DPYD: variants seen among roughly 807,000 people sequenced by gnomAD.
DPYD encodes dihydropyrimidine dehydrogenase.
A neutral mutation model predicts 116.2 loss-of-function variants in DPYD; 109 were observed. The observed-to-expected ratio is 0.94, with a 90% CI of 0.80 to 1.10. The LOEUF (loss-of-function observed/expected upper bound fraction) is 1.10. DPYD is among the 50% of genes least tolerant of loss of function. DPYD has a pLI of 0.00. For synonymous variants in DPYD, 440 were observed against 432.0 expected (o/e 1.02, Z -0.23); for missense variants, 1,302 against 1,254.5 (o/e 1.04, Z -0.57).
intron 8 of DPYD, among the ~76,000 whole-genome samples, chr1:97,662,125 C>G (rs1659301002): frequency 6.6e-6 from 1 of 151,044 alleles, no homozygotes; most frequent in African/African-American, 2.4e-5. Flanking sequence ...CTCAATCTCC[C>G]TAGTAGCTGG....
intron 16 of DPYD, among the ~76,000 whole-genome samples, chr1:97,326,766 A>G (rs922108789): frequency 1.3e-5 from 2 of 152,066 alleles, no homozygotes; most frequent in Non-Finnish European, 2.9e-5. Flanking sequence ...GGGTTAAGAA[A>G]TTAATATTTG....
rs200451066 is a variant in DPYD at position 97,704,598 on chromosome 1, TACAA to T, written c.484-5055_484-5052del. 4.7e-3 allele frequency among the ~76,000 whole-genome samples: 714 copies of T among 152,136 alleles called. 2 individuals are homozygous for T. Among genetic ancestry groups the T allele is most frequent in the Admixed American group, 6.5e-3 (99 of 15,244 alleles). On this transcript the variant is annotated intron_variant, in intron 5 of 22. Coordinates refer to ENST00000370192, the MANE Select transcript of DPYD (RefSeq NM_000110.4). Reference sequence around the variant, plus strand: ...TCTTCAGAGAAGTGCAACATAAAATTACAAACAAATTATACATAAAAGATATTAT... The same window carrying T: ...TCTTCAGAGAAGTGCAACATAAAATTACAAATTATACATAAAAGATATTAT...
chr1:97,358,031 G>A (rs1054600177), intron 16 of DPYD, among the ~76,000 whole-genome samples: 1 of 152,200 alleles, frequency 6.6e-6, no homozygotes, highest in Non-Finnish European at 1.5e-5. Flanking sequence ...GTGGTTGGGG[G>A]ATTTCCCTTT....
chr1:97,515,660 A>G, intron 13 of DPYD, 66 bp downstream of exon 13: 1 of 1,415,072 alleles, frequency 7.1e-7, no homozygotes, highest in Non-Finnish European at 9.7e-7. Flanking sequence ...AATCCATTAT[A>G]ATGTTTATAC....
intron 1 of DPYD, among the ~76,000 whole-genome samples, chr1:97,887,914 C>T (rs533472379): frequency 6.6e-6 from 1 of 152,056 alleles, no homozygotes; most frequent in Non-Finnish European, 1.5e-5. Context: ...GCACTTCTTC[C>T]TGCTGTCATG....
intron 19 of DPYD, among the ~76,000 whole-genome samples, chr1:97,202,288 A>G (rs1398243994): frequency 6.6e-6 from 1 of 152,172 alleles, no homozygotes; most frequent in African/African-American, 2.4e-5. Context: ...TGTAAATCAT[A>G]TATTTCTTCT....
At chr1:97,476,670 G>A (rs931809883) in intron 13 of DPYD, among the ~76,000 whole-genome samples, 1 of 151,942 alleles carries the variant, frequency 6.6e-6, no homozygotes, top group African/African-American at 2.4e-5. Flanking sequence ...TCATAAATAA[G>A]TCATAGAACG....
chr1:97,517,992 C>A (rs570054897), intron 12 of DPYD, among the ~76,000 whole-genome samples: 1 of 152,196 alleles, frequency 6.6e-6, no homozygotes, highest in South Asian at 2.1e-4. Context: ...CCCAAGGAGG[C>A]AGATATATGT....
chr1:97,132,583 C>T (rs533839575), intron 20 of DPYD, among the ~76,000 whole-genome samples: 1 of 152,118 alleles, frequency 6.6e-6, no homozygotes, highest in Non-Finnish European at 1.5e-5. Context: ...AAATTTAGCA[C>T]TCTAAAAATT....
intron 18 of DPYD, among the ~76,000 whole-genome samples, chr1:97,294,682 G>A (rs995412247): frequency 6.6e-6 from 1 of 152,170 alleles, no homozygotes; most frequent in African/African-American, 2.4e-5. Context: ...TGCTCAGACG[G>A]TTCATCCAAG....
intron 19 of DPYD, among the ~76,000 whole-genome samples, chr1:97,234,570 A>G (rs1157077218): frequency 1.3e-5 from 2 of 152,166 alleles, no homozygotes; most frequent in Non-Finnish European, 2.9e-5. Context: ...CCAGGAGGAC[A>G]GTACTCATTT....
At chr1:97,485,266 A>C (rs1025443633) in intron 13 of DPYD, among the ~76,000 whole-genome samples, 2 of 152,104 alleles carry the variant, frequency 1.3e-5, no homozygotes, top group South Asian at 2.1e-4. Context: ...GGAACAATCA[A>C]TCTTGGCTCA....
intron 20 of DPYD, among the ~76,000 whole-genome samples, chr1:97,175,543 T>C (rs1044970682): frequency 2.0e-5 from 3 of 152,354 alleles, no homozygotes; most frequent in East Asian, 3.9e-4. Flanking sequence ...GTATCACAGA[T>C]AGACTTATCA....
At chr1:97,633,933 G>A (rs1474326747) in intron 8 of DPYD, among the ~76,000 whole-genome samples, 1 of 152,048 alleles carries the variant, frequency 6.6e-6, no homozygotes, top group Non-Finnish European at 1.5e-5. Context: ...TCCTTTCTTG[G>A]TGCCAGGCTA....
chr1:97,735,645 G>A (rs1047999615), intron 4 of DPYD, among the ~76,000 whole-genome samples: 6 of 150,720 alleles, frequency 4.0e-5, no homozygotes, highest in East Asian at 1.9e-4. Context: ...CAGAGATTGC[G>A]CCACTGCACT....
At chr1:97,444,861 A>G (rs1194343235) in intron 14 of DPYD, among the ~76,000 whole-genome samples, 1 of 152,156 alleles carries the variant, frequency 6.6e-6, no homozygotes, top group African/African-American at 2.4e-5. Flanking sequence ...ATTTTTACCA[A>G]TCTTCCAAAC....
intron 11 of DPYD, among the ~76,000 whole-genome samples, chr1:97,557,887 A>G (rs1414365214): frequency 1.3e-5 from 2 of 152,214 alleles, no homozygotes; most frequent in Non-Finnish European, 2.9e-5. Context: ...AGATCACAAA[A>G]GAACCCTTGA....
At chr1:97,258,431 G>T (rs1663656380) in intron 18 of DPYD, among the ~76,000 whole-genome samples, 1 of 152,096 alleles carries the variant, frequency 6.6e-6, no homozygotes, top group South Asian at 2.1e-4. Flanking sequence ...TCCTTCAGGG[G>T]GACAATTCTA....
chr1:97,584,698 G>A (rs1334105956), intron 10 of DPYD, among the ~76,000 whole-genome samples: 2 of 147,134 alleles, frequency 1.4e-5, no homozygotes, highest in East Asian at 2.0e-4. Context: ...CTACCGCAAC[G>A]ACAAAAAGCC....
Sources: allele counts gnomAD v4.1 joint callset (sites outside exome capture counted in the v4.1 genomes callset), GRCh38; gene constraint gnomAD v4.1.1; transcripts MANE v1.5; gene names NCBI Gene and HGNC (gene_info 2026-07-23, HGNC 2026-07-21).